B3GNT8: variants seen among roughly 807,000 people sequenced by gnomAD.
The protein encoded by B3GNT8 is UDP-GlcNAc:betaGal beta-1,3-N-acetylglucosaminyltransferase 8.
For synonymous variants in B3GNT8, 258 were observed against 238.3 expected (o/e 1.08, Z -0.76); for missense variants, 502 against 530.5 (o/e 0.95, Z 0.53).
At chr19:41,428,117 G>T (rs1191322740), upstream of B3GNT8, among the ~76,000 whole-genome samples, 1 of 151,866 alleles carries the variant, frequency 6.6e-6, no homozygotes, top group South Asian at 2.1e-4. The surrounding 1 kb of genome is among the most constrained non-coding windows in gnomAD (Gnocchi z 6.1). Flanking sequence ...GGTTGAGAGA[G>T]GCAGGTGGAG....
At chr19:41,427,412 G>C (rs1266673888), upstream of B3GNT8, 3 of 158,426 alleles carry the variant, frequency 1.9e-5, no homozygotes, top group African/African-American at 7.2e-5. This position sits in a 1 kb window ranked among gnomAD's most constrained non-coding sequence, Gnocchi z 5.6. Context: ...AGCCAGTCCA[G>C]AGGGGCGGGG....
chr19:41,425,891 G>A lies in B3GNT8; in HGVS notation c.888C>T (p.Phe296=). ...CATAGGCTGGGTAGCCACCTTCGAA[G>A]AAGGACTCGGGCACATAGAAGGGTC... The part of the protein sequence containing the change: ...PGGPFYVPES[F]FEGGYPAYAS... Residue 296 remains phenylalanine, a synonymous_variant, in exon 2 of 2, where the codon TTC becomes TTT. Transcript: ENST00000691102. 1 of 1,613,224 alleles carries A rather than the reference G, an allele frequency of 6.2e-7. No homozygotes were observed. The highest frequency in any genetic ancestry group is 8.5e-7 in the Non-Finnish European group (1 of 1,180,008).
rs770156684 is a variant in B3GNT8, at chr19:41,426,488, C to A, written c.291G>T (p.Trp97Cys). 5.7e-6 allele frequency: 9 copies of A among 1,592,006 alleles called. No homozygotes were observed. The African/African-American group carries it at 9.7e-5, about 17-fold the overall frequency. ...GGATCTCGGTGGCGGCGGCGGCCCC[C>A]CAAGCCTGGCAGCCCCCCGTTTCAG... ...DSTETGGCQA[W>C]GAAAATEIPD... Residue 97 changes from tryptophan to cysteine, a missense_variant, in exon 2 of 2, where the codon TGG becomes TGT. Transcript: ENST00000691102. The surrounding 1 kb of genome is among the most constrained non-coding windows in gnomAD (Gnocchi z 4.9).
Position 41,425,467 on chromosome 19 carries a change from A to T in B3GNT8, c.*118T>A. On this transcript the variant is annotated 3_prime_UTR_variant, in exon 2 of 2. Coordinates refer to ENST00000691102, the MANE Select transcript of B3GNT8 (RefSeq NM_001385648.2). ...GCTGGGGGAGGCCAAGGAGTGGCTTAAGTTGTCCAGCTTCTGGGCCCTCCT... is the reference window on the plus strand; with the variant it reads ...GCTGGGGGAGGCCAAGGAGTGGCTTTAGTTGTCCAGCTTCTGGGCCCTCCT... 2 of 796,920 alleles carry T rather than the reference A, an allele frequency of 2.5e-6. No individual in the cohort carries two copies. Among genetic ancestry groups the T allele is most frequent in the Non-Finnish European group, 3.6e-6 (2 of 557,062 alleles). The allele number at this position is 796,920 out of a possible 1,614,324, so 49.4% of individuals were successfully genotyped here. A position where few individuals can be genotyped will look rare whatever the true frequency, so the allele number is the denominator to read the frequency against.
In B3GNT8 at chr19:41,425,382, T is replaced by A. The variant is rs2039418623; in HGVS notation, c.*203A>T. 1 of 401,308 alleles carries A rather than the reference T, an allele frequency of 2.5e-6. No homozygotes were observed. The highest frequency in any genetic ancestry group is 1.0e-4 in the South Asian group (1 of 9,672). 24.9% of individuals were successfully genotyped at this position (401,308 alleles called of 1,614,324 possible). On this transcript the variant is annotated 3_prime_UTR_variant, in exon 2 of 2. Transcript: ENST00000691102. ...CCTCAGAGTGGGGAGTGCATGTTTT[T>A]CAAAAACAAAAAGTAGGCAAAAACA... is the stretch of plus-strand genomic sequence containing the variant.
In B3GNT8 at chr19:41,425,978, C is replaced by T. The variant is rs748706116; in HGVS notation, c.801G>A (p.Ser267=). 290 of 1,612,106 alleles carry T rather than the reference C, an allele frequency of 1.8e-4. 2 individuals are homozygous for T. The highest frequency in any genetic ancestry group is 1.5e-3 in the South Asian group (141 of 91,070). Reference sequence around the variant, plus strand: ...CCTCACCCAGGTAGAGGCTTCGGGCCGAGGCAGGTGGCAGGGCCCGCAGGT... The same window carrying T: ...CCTCACCCAGGTAGAGGCTTCGGGCTGAGGCAGGTGGCAGGGCCCGCAGGT... ...LAHLRALPPA[S]ARSLYLGEVF... Residue 267 remains serine, a synonymous_variant, in exon 2 of 2, where the codon TCG becomes TCA. Coordinates refer to ENST00000691102, the MANE Select transcript of B3GNT8 (RefSeq NM_001385648.2).
rs752289300 is a variant in B3GNT8, at chr19:41,426,265, C to G, written c.514G>C (p.Gly172Arg). ...AERQAVRETW[G>R]SPAPGIRLLF... ...AGCCGGATCCCTGGAGCTGGACTGC[C>G]CCACGTCTCTCTCACGGCCTGTCGT... Residue 172 changes from glycine (G) to arginine (R), a missense_variant, in exon 2 of 2, where the codon GGC becomes CGC. Transcript: ENST00000691102. The surrounding 1 kb of genome is among the most constrained non-coding windows in gnomAD (Gnocchi z 4.9). 6.2e-7 allele frequency: 1 copy of G among 1,613,432 alleles called. No individual in the cohort carries two copies. The highest frequency in any genetic ancestry group is 1.7e-5 in the Admixed American group (1 of 60,020).
In B3GNT8 at chr19:41,425,485, G is replaced by T; in HGVS notation, c.*100C>A. 1.0e-6 allele frequency: 1 copy of T among 1,001,560 alleles called. No individual in the cohort carries two copies. The highest frequency in any genetic ancestry group is 1.4e-6 in the Non-Finnish European group (1 of 735,228). 62.0% of individuals were successfully genotyped at this position (1,001,560 alleles called of 1,614,324 possible). A position where few individuals can be genotyped will look rare whatever the true frequency, so the allele number is the denominator to read the frequency against. ...GTGGCTTAAGTTGTCCAGCTTCTGG[G>T]CCCTCCTCCCTCCCATCAAGACCTG... On this transcript the variant is annotated 3_prime_UTR_variant, in exon 2 of 2. Coordinates refer to ENST00000691102, the MANE Select transcript of B3GNT8 (RefSeq NM_001385648.2).
Position 41,426,645 on chromosome 19 carries a change from G to T in B3GNT8, c.134C>A (p.Pro45His), listed in dbSNP as rs757429056. 9.3e-6 allele frequency: 15 copies of T among 1,613,468 alleles called. No individual in the cohort carries two copies. Among genetic ancestry groups the T allele is most frequent in the Non-Finnish European group, 1.3e-5 (15 of 1,179,790 alleles). Reference protein sequence around the residue: ...YPSPRGTPPSPTPANPEPTLP... With the variant: ...YPSPRGTPPSHTPANPEPTLP... ...GGTGGGCTCAGGGTTGGCTGGCGTG[G>T]GGCTTGGCGGGGTGCCCCGAGGGCT... The change falls in exon 2 of 2, where the codon CCC (proline) becomes CAC (histidine). Residue 45 changes from proline to histidine, a missense_variant. Physicochemically the swap from Pro to His is moderately conservative, Grantham distance 77. Coordinates refer to ENST00000691102, the MANE Select transcript of B3GNT8 (RefSeq NM_001385648.2). The surrounding 1 kb of genome is among the most constrained non-coding windows in gnomAD (Gnocchi z 4.9).
upstream of B3GNT8, chr19:41,427,383 G>A (rs986081680): frequency 1.4e-4 from 23 of 160,396 alleles, no homozygotes; most frequent in African/African-American, 5.3e-4. This position sits in a 1 kb window ranked among gnomAD's most constrained non-coding sequence, Gnocchi z 5.6. Flanking sequence ...TTGTCGACCG[G>A]CGGGGCCCAG....
At position 41,426,290 on chromosome 19, in the gene B3GNT8, T is replaced by G; in HGVS notation, c.489A>C (p.Glu163Asp). The G allele has an allele frequency of 6.2e-7, 1 of 1,613,436 alleles. No homozygotes were observed. The highest frequency in any genetic ancestry group is 1.1e-5 in the South Asian group (1 of 91,086). Residue 163 changes from glutamate (E) to aspartate (D), a missense_variant, in exon 2 of 2, where the codon GAA becomes GAC. Coordinates refer to ENST00000691102, the MANE Select transcript of B3GNT8 (RefSeq NM_001385648.2). This position sits in a 1 kb window ranked among gnomAD's most constrained non-coding sequence, Gnocchi z 4.9. The stretch of plus-strand genomic sequence containing the variant: ...CCCACGTCTCTCTCACGGCCTGTCG[T>G]TCTGCAAAGCGCCCTGGTTCTGACT... ...AVKSEPGRFAERQAVRETWGS... is the reference protein window; with the variant it reads ...AVKSEPGRFADRQAVRETWGS...
At position 41,426,799 on chromosome 19, in the gene B3GNT8, C is replaced by A. The variant is rs761868568; in HGVS notation, c.-21G>T. 1.2e-6 allele frequency: 2 copies of A among 1,605,924 alleles called. No homozygotes were observed. Among genetic ancestry groups the A allele is most frequent in the South Asian group, 2.2e-5 (2 of 90,890 alleles). On this transcript the variant is annotated 5_prime_UTR_variant, in exon 2 of 2. Transcript: ENST00000691102. This position sits in a 1 kb window ranked among gnomAD's most constrained non-coding sequence, Gnocchi z 4.9. ...CGCATGACCCGGCCCAGGGAAGGGG[C>A]GGCCGCGGGAGCTACAAGGGAGCCA...
chr19:41,426,749 C>T lies in B3GNT8; in HGVS notation c.30G>A (p.Leu10=), dbSNP rs1386873590. 1 of 1,613,004 alleles carries T rather than the reference C, an allele frequency of 6.2e-7. No homozygotes were observed. The highest frequency in any genetic ancestry group is 1.1e-5 in the South Asian group (1 of 91,074). The part of the protein sequence containing the change: MRCPKCLLC[L]SALLTLLGLK... ...GGCCCAGGAGTGTGAGCAGTGCTGA[C>T]AGGCAGAGAAGGCACTTGGGGCAGC... The change falls in exon 2 of 2, where the codon CTG becomes CTA. Residue 10 remains leucine (L), a synonymous_variant. Coordinates refer to ENST00000691102, the MANE Select transcript of B3GNT8 (RefSeq NM_001385648.2). The surrounding 1 kb of genome is among the most constrained non-coding windows in gnomAD (Gnocchi z 4.9).
upstream of B3GNT8, among the ~76,000 whole-genome samples, chr19:41,428,206 G>A (rs1402379182): frequency 6.6e-6 from 1 of 152,008 alleles, no homozygotes; most frequent in African/African-American, 2.4e-5. This position sits in a 1 kb window ranked among gnomAD's most constrained non-coding sequence, Gnocchi z 6.1. Flanking sequence ...AACAGGAGAG[G>A]AAAAGACTGG....
rs140645718 is a variant in B3GNT8, at chr19:41,426,697, C to T, written c.82G>A (p.Glu28Lys). The T allele has an allele frequency of 2.5e-4, 405 of 1,613,700 alleles. No homozygotes were observed. The highest frequency in any genetic ancestry group is 3.1e-4 in the Non-Finnish European group (365 of 1,179,932). ...GGGTAGGCCTTGCTGAGCCGGGACT[C>T]GGATGTCCACTCGATGTACACTTTG... The part of the protein sequence containing the change: ...GLKVYIEWTS[E>K]SRLSKAYPSP... The change falls in exon 2 of 2, where the codon GAG becomes AAG. Residue 28 changes from glutamate (E) to lysine (K), a missense_variant. Transcript: ENST00000691102. The surrounding 1 kb of genome is among the most constrained non-coding windows in gnomAD (Gnocchi z 4.9).
Position 41,426,588 on chromosome 19 carries a change from T to G in B3GNT8, c.191A>C (p.Gln64Pro). Residue 64 changes from glutamine to proline, a missense_variant, in exon 2 of 2, where the codon CAG becomes CCG. Gln to Pro is a moderately conservative substitution (Grantham distance 76). Transcript: ENST00000691102. The surrounding 1 kb of genome is among the most constrained non-coding windows in gnomAD (Gnocchi z 4.9). ...LPANLSTRLGQTIPLPFAYWN... is the reference protein window; with the variant it reads ...LPANLSTRLGPTIPLPFAYWN... The stretch of plus-strand genomic sequence containing the variant: ...GTAAGCAAAGGGCAGCGGGATAGTC[T>G]GGCCCAGGCGGGTGGAGAGGTTGGC... The G allele has an allele frequency of 6.2e-7, 1 of 1,609,242 alleles. No homozygotes were observed.
At chr19:41,428,035 G>C (rs1265120125), upstream of B3GNT8, among the ~76,000 whole-genome samples, 1 of 151,780 alleles carries the variant, frequency 6.6e-6, no homozygotes, top group African/African-American at 2.4e-5. The surrounding 1 kb of genome is among the most constrained non-coding windows in gnomAD (Gnocchi z 6.1). Flanking sequence ...GAGGGAGAGG[G>C]GGAGGGAAAT....
rs1555767476 is a variant in B3GNT8, at chr19:41,425,549, A to AGGCTAGGGCCGG, written c.*35_*36insCCGGCCCTAGCC. On this transcript the variant is annotated 3_prime_UTR_variant, in exon 2 of 2. Transcript: ENST00000691102. ...AGCCAGGGGCCGGCCCCAGAGGCCC[A>AGGCTAGGGCCGG]GGCCAGGTCAGCACCTCCGCCCTCC... 6.4e-6 allele frequency: 9 copies of AGGCTAGGGCCGG among 1,404,186 alleles called. No individual in the cohort carries two copies. The East Asian group carries it at 1.2e-4, about 19-fold the overall frequency. 87.0% of individuals were successfully genotyped at this position (1,404,186 alleles called of 1,614,324 possible).
In B3GNT8 at chr19:41,426,524, A is replaced by C. The variant is rs765847100; in HGVS notation, c.255T>G (p.Ser85Arg). The C allele has an allele frequency of 1.3e-6, 2 of 1,590,636 alleles. No individual in the cohort carries two copies. Among genetic ancestry groups the C allele is most frequent in the African/African-American group, 2.7e-5 (2 of 74,514 alleles). The change falls in exon 2 of 2, where the codon AGT becomes AGG. Residue 85 changes from serine (S) to arginine (R), a missense_variant. By Grantham distance (110) the Ser-to-Arg change is moderately radical. Transcript: ENST00000691102. The surrounding 1 kb of genome is among the most constrained non-coding windows in gnomAD (Gnocchi z 4.9). ...AGCCCCCCGTTTCAGTGCTGTCCCC[A>C]CTGGGCAGGGACCCCAGCCGCCACT... ...QQQWRLGSLPSGDSTETGGCQ... is the reference protein window; with the variant it reads ...QQQWRLGSLPRGDSTETGGCQ...
Sources: allele counts gnomAD v4.1 joint callset (sites outside exome capture counted in the v4.1 genomes callset), GRCh38; gene constraint gnomAD v4.1.1; non-coding constraint Gnocchi (gnomAD v3.1); transcripts MANE v1.5; gene names NCBI Gene and HGNC (gene_info 2026-07-23, HGNC 2026-07-21).